The following ABLIM1 variants were observed in gnomAD, a reference collection of about 807,000 sequenced individuals.
ABLIM1 encodes actin-binding LIM protein 1.
A neutral mutation model predicts 107.0 loss-of-function variants in ABLIM1; 40 were observed. The ratio of observed to expected loss-of-function variants is 0.37; its 90% CI spans 0.29 to 0.49. ABLIM1 has a LOEUF of 0.49. ABLIM1 is among the 20% of genes least tolerant of loss of function. The pLI, the probability that ABLIM1 is intolerant of heterozygous loss-of-function variation, is 0.97. For synonymous variants in ABLIM1, 357 were observed against 357.3 expected (o/e 1.00, Z 0.01); for missense variants, 857 against 1,008.5 (o/e 0.85, Z 2.04).
chr10:114,677,966 C>T (rs1273022849), intron 1 of ABLIM1, among the ~76,000 whole-genome samples: 1 of 152,122 alleles, frequency 6.6e-6, no homozygotes, highest in African/African-American at 2.4e-5. Context: ...AGGTGAAATA[C>T]AACTGACAAT....
Position 114,658,041 on chromosome 10 carries a change from G to A in ABLIM1, c.160C>T (p.Arg54Cys), listed in dbSNP as rs35474148. 1,911 of 1,614,162 alleles carry A rather than the reference G, an allele frequency of 1.2e-3. 21 individuals carry two copies. The African/African-American group carries it at 0.022, about 18-fold the overall frequency. ...TACAGCAAATGAGTGATAGTGGCACGCCTATGAGCGGTGAAGGAGGTCCCA... is the reference window on the plus strand; with the variant it reads ...TACAGCAAATGAGTGATAGTGGCACACCTATGAGCGGTGAAGGAGGTCCCA... ...VSGTSFTAHR[R>C]ATITHLLYLC... is the part of the protein sequence containing the mutation. The change falls in exon 1 of 23, where the codon CGT becomes TGT. Residue 54 changes from arginine to cysteine, a missense_variant. Coordinates refer to ENST00000533213, the MANE Select transcript of ABLIM1 (RefSeq NM_002313.7).
Position 114,503,508 on chromosome 10 carries a change from C to A in ABLIM1, c.895-11630G>T, listed in dbSNP as rs1166970075. On this transcript the variant is annotated intron_variant, in intron 6 of 22. Transcript: ENST00000533213. Reference sequence around the variant, plus strand: ...AATAGTGTTGCTATGAAAATTCCTGCCCATGTCTTTTGGTAAATTATATAC... The same window carrying A: ...AATAGTGTTGCTATGAAAATTCCTGACCATGTCTTTTGGTAAATTATATAC... 3.3e-5 allele frequency among the ~76,000 whole-genome samples: 5 copies of A among 152,040 alleles called. No individual in the cohort carries two copies. The East Asian group carries it at 9.6e-4, about 29-fold the overall frequency.
intron 6 of ABLIM1, among the ~76,000 whole-genome samples, chr10:114,516,044 C>T (rs967708033): frequency 4.6e-5 from 7 of 152,058 alleles, no homozygotes; most frequent in Non-Finnish European, 1.0e-4. Flanking sequence ...GAGTTTCTGT[C>T]CCTTGCGACC....
chr10:114,701,381 C>T (rs768658663), intron 1 of ABLIM1, among the ~76,000 whole-genome samples: 2 of 152,084 alleles, frequency 1.3e-5, no homozygotes, highest in South Asian at 2.1e-4. Context: ...TAAATATACA[C>T]CTACCCTCCG....
chr10:114,629,052 A>G lies in ABLIM1; in HGVS notation c.245-27091T>C, dbSNP rs61867918. ...ATAACCATTTCATCAAGATTCCGGA[A>G]TCAATAAGTGTCTGCAGCTGGAAGT... On this transcript the variant is annotated intron_variant, in intron 1 of 22. Coordinates refer to ENST00000533213, the MANE Select transcript of ABLIM1 (RefSeq NM_002313.7). The surrounding 1 kb of genome is among the most constrained non-coding windows in gnomAD (Gnocchi z 4.0). Among the ~76,000 whole-genome samples the G allele has an allele frequency of 0.089, 13,492 of 152,204 alleles. 1,396 individuals carry two copies. Among genetic ancestry groups the G allele is most frequent in the African/African-American group, 0.25 (10,434 of 41,506 alleles).
chr10:114,597,386 T>C (rs2075525923), intron 2 of ABLIM1, among the ~76,000 whole-genome samples: 1 of 151,920 alleles, frequency 6.6e-6, no homozygotes, highest in South Asian at 2.1e-4. Context: ...GGAATAAGTC[T>C]GAAAAATGGC....
intron 1 of ABLIM1, among the ~76,000 whole-genome samples, chr10:114,644,894 C>G (rs146819886): frequency 1.4e-4 from 21 of 152,272 alleles, no homozygotes; most frequent in Admixed American, 1.4e-3. Context: ...ATAGGGCCTC[C>G]CCTCAAACTA....
intron 1 of ABLIM1, chr10:114,690,251 G>C: frequency 6.6e-7 from 1 of 1,506,734 alleles, no homozygotes; most frequent in Non-Finnish European, 9.2e-7. Flanking sequence ...CTTTCATCTT[G>C]CCAAAGACCA....
chr10:114,734,978 G>A (rs2082149612), intron 1 of ABLIM1, among the ~76,000 whole-genome samples: 1 of 152,202 alleles, frequency 6.6e-6, no homozygotes, highest in African/African-American at 2.4e-5. Flanking sequence ...GTTCCAGCAT[G>A]GACTTAAAGG....
At chr10:114,475,139 A>C (rs903656400) in intron 8 of ABLIM1, among the ~76,000 whole-genome samples, 8 of 152,172 alleles carry the variant, frequency 5.3e-5, no homozygotes, top group Admixed American at 5.2e-4. Flanking sequence ...TCAGGATTCT[A>C]TCCCTGCCTT....
At position 114,707,749 on chromosome 10, in the gene ABLIM1, A is replaced by C. The variant is rs529986577; in HGVS notation, c.-213+60312T>G. 3.9e-5 allele frequency among the ~76,000 whole-genome samples: 6 copies of C among 152,142 alleles called. No individual in the cohort carries two copies. Among genetic ancestry groups the C allele is most frequent in the African/African-American group, 1.4e-4 (6 of 41,508 alleles). Reference sequence around the variant, plus strand: ...AACACGGTCTCTACTAAAAATACAAAAATTAGCCAGGCGTGGTGGCGGGTG... The same window carrying C: ...AACACGGTCTCTACTAAAAATACAACAATTAGCCAGGCGTGGTGGCGGGTG... On this transcript the variant is annotated intron_variant, in intron 1 of 15. Transcript: ENST00000651092. This position sits in a 1 kb window ranked among gnomAD's most constrained non-coding sequence, Gnocchi z 4.1.
intron 1 of ABLIM1, among the ~76,000 whole-genome samples, chr10:114,628,901 T>G (rs1439018330): frequency 6.6e-6 from 1 of 152,184 alleles, no homozygotes; most frequent in Admixed American, 6.5e-5. Flanking sequence ...AGTGGGCCTC[T>G]GGAGTATAGG....
chr10:114,473,761 C>T (rs908102277), intron 9 of ABLIM1, 118 bp downstream of exon 9: 1 of 741,178 alleles, frequency 1.3e-6, no homozygotes, highest in Non-Finnish European at 2.2e-6. Context: ...AAAATCAGGT[C>T]TCATAACAAA....
At chr10:114,691,143 C>T (rs577973623) in intron 1 of ABLIM1, among the ~76,000 whole-genome samples, 27 of 152,196 alleles carry the variant, frequency 1.8e-4, no homozygotes, top group African/African-American at 6.3e-4. Flanking sequence ...TTTTCAGAGT[C>T]ACATCTTGTA....
chr10:114,518,904 G>A (rs1237106668), intron 6 of ABLIM1, among the ~76,000 whole-genome samples: 2 of 152,132 alleles, frequency 1.3e-5, no homozygotes, highest in African/African-American at 2.4e-5. Flanking sequence ...CTAGAAGCAG[G>A]TGGGAACTTG....
intron 1 of ABLIM1, among the ~76,000 whole-genome samples, chr10:114,676,306 G>A (rs765654067): frequency 4.6e-5 from 7 of 152,024 alleles, no homozygotes; most frequent in East Asian, 1.9e-4. Context: ...GCAAAATACC[G>A]TCTCTACTAA....
intron 1 of ABLIM1, among the ~76,000 whole-genome samples, chr10:114,608,934 G>A (rs1021399586): frequency 1.3e-5 from 2 of 151,680 alleles, no homozygotes; most frequent in South Asian, 4.2e-4. Flanking sequence ...AGAATCGCTT[G>A]AACACAGGAG....
chr10:114,762,805 A>G lies in ABLIM1; in HGVS notation c.-213+5256T>C, dbSNP rs559691674. On this transcript the variant is annotated intron_variant, in intron 1 of 15. Transcript: ENST00000651092. ...TAAAACACACTCTTTTCACTTAACAATGTATCATGGCCATCCCTCCAGACC... is the reference window on the plus strand; with the variant it reads ...TAAAACACACTCTTTTCACTTAACAGTGTATCATGGCCATCCCTCCAGACC... 4.6e-5 allele frequency among the ~76,000 whole-genome samples: 7 copies of G among 152,278 alleles called. No homozygotes were observed. In the South Asian group the frequency reaches 1.2e-3, roughly 27 times the overall value.
intron 1 of ABLIM1, among the ~76,000 whole-genome samples, chr10:114,704,302 C>CTCTCTATATA (rs1380460034): frequency 4.6e-5 from 2 of 43,090 alleles, no homozygotes; most frequent in African/African-American, 1.7e-4. Context: ...CTCTCTCTCT[C>CTCTCTATATA]TATATATATA....
Sources: gnomAD v4.1 joint callset for allele counts (sites outside exome capture counted in the v4.1 genomes callset) on GRCh38, gnomAD v4.1.1 for gene constraint, Gnocchi (gnomAD v3.1) non-coding constraint, MANE v1.5 for transcripts, NCBI Gene and HGNC (gene_info 2026-07-23, HGNC 2026-07-21) for gene names.